The following UNC5D variants were observed in gnomAD, a reference collection of about 807,000 sequenced individuals.
UNC5D encodes the protein netrin receptor UNC5D.
Under a neutral mutation model 105.4 loss-of-function variants are expected in UNC5D, and 39 were observed. That is an observed-to-expected ratio of 0.37 (90% CI 0.29 to 0.48). The LOEUF (loss-of-function observed/expected upper bound fraction) is 0.48, where lower values mean the gene tolerates loss of function less well. UNC5D is among the 20% of genes least tolerant of loss of function. The pLI, the probability that UNC5D is intolerant of heterozygous loss-of-function variation, is 0.98. For synonymous variants in UNC5D, 452 were observed against 450.4 expected (o/e 1.00, Z -0.04); for missense variants, 991 against 1,202.4 (o/e 0.82, Z 2.60).
At chr8:35,535,416 T>TTTG (rs906773476) in intron 1 of UNC5D, among the ~76,000 whole-genome samples, 46 of 151,792 alleles carry the variant, frequency 3.0e-4, no homozygotes, top group Middle Eastern at 3.4e-3. Flanking sequence ...TAATAGGCTT[T>TTTG]TTGTTGTTGT....
intron 1 of UNC5D, among the ~76,000 whole-genome samples, chr8:35,473,173 A>T (rs185543264): frequency 1.8e-3 from 273 of 152,314 alleles, no homozygotes; most frequent in African/African-American, 6.4e-3. Context: ...ACAATGCAGG[A>T]GAAATGAGAG....
intron 1 of UNC5D, among the ~76,000 whole-genome samples, chr8:35,361,729 T>C (rs1315740718): frequency 1.3e-5 from 2 of 152,174 alleles, no homozygotes; most frequent in African/African-American, 2.4e-5. Flanking sequence ...AATTTTCCAG[T>C]CTTGTCCACC....
chr8:35,308,943 G>A (rs1278720889), intron 1 of UNC5D, among the ~76,000 whole-genome samples: 1 of 152,148 alleles, frequency 6.6e-6, no homozygotes, highest in Non-Finnish European at 1.5e-5. Context: ...AGGACATGAA[G>A]CTTGTGTCAA....
chr8:35,716,144 C>T (rs914057474), intron 8 of UNC5D, among the ~76,000 whole-genome samples: 2 of 152,120 alleles, frequency 1.3e-5, no homozygotes, highest in African/African-American at 2.4e-5. Flanking sequence ...GAAGAGACAC[C>T]GTGTCATAAG....
intron 1 of UNC5D, among the ~76,000 whole-genome samples, chr8:35,489,246 G>T (rs919842620): frequency 1.3e-5 from 2 of 152,054 alleles, no homozygotes; most frequent in Admixed American, 1.3e-4. Context: ...GACCTCAGGT[G>T]ATCCACCTGC....
At chr8:35,601,572 G>C (rs1819887189) in intron 4 of UNC5D, among the ~76,000 whole-genome samples, 1 of 152,142 alleles carries the variant, frequency 6.6e-6, no homozygotes, top group African/African-American at 2.4e-5. Context: ...TTGTGAATGG[G>C]AGTTCACTCA....
intron 1 of UNC5D, among the ~76,000 whole-genome samples, chr8:35,394,575 A>C (rs1803985182): frequency 6.6e-6 from 1 of 152,030 alleles, no homozygotes; most frequent in South Asian, 2.1e-4. Context: ...TATGATGAGC[A>C]TTTATTTTCA....
intron 1 of UNC5D, among the ~76,000 whole-genome samples, chr8:35,381,461 A>T (rs1803038501): frequency 6.6e-6 from 1 of 152,190 alleles, no homozygotes; most frequent in Admixed American, 6.5e-5. Flanking sequence ...TCCCTTACTC[A>T]GTGATTCTGC....
chr8:35,290,012 C>T lies in UNC5D; in HGVS notation c.103+54125C>T, dbSNP rs547233022. On this transcript the variant is annotated intron_variant, in intron 1 of 16. Coordinates refer to ENST00000404895, the MANE Select transcript of UNC5D (RefSeq NM_080872.4). The stretch of plus-strand genomic sequence containing the variant: ...TATCACCTCATACCCATTAGAATGT[C>T]TTTATCAAAATGATGAAAGGCAAGT... Among the ~76,000 whole-genome samples the T allele has an allele frequency of 6.2e-4, 95 of 152,110 alleles. 2 individuals carry two copies. The South Asian group carries it at 0.019, about 30-fold the overall frequency.
intron 1 of UNC5D, among the ~76,000 whole-genome samples, chr8:35,412,281 T>G (rs1432467173): frequency 6.6e-6 from 1 of 152,040 alleles, no homozygotes. Context: ...CTGACAGTAA[T>G]GGGGAGAAAA....
Position 35,618,641 on chromosome 8 carries a change from ATG to A in UNC5D, c.570+22987_570+22988del, listed in dbSNP as rs570712453. Among the ~76,000 whole-genome samples, 26 of 152,266 alleles carry A rather than the reference ATG, an allele frequency of 1.7e-4. No individual in the cohort carries two copies. The South Asian group carries it at 5.4e-3, about 32-fold the overall frequency. On this transcript the variant is annotated intron_variant, in intron 4 of 16. Coordinates refer to ENST00000404895, the MANE Select transcript of UNC5D (RefSeq NM_080872.4). The stretch of plus-strand genomic sequence containing the variant: ...CAGGCTTTCTCCTAGGTATTTAACT[ATG>A]TGATTCTGTTGTATTCTTTCAGCTG...
rs116210663 is a variant in UNC5D, at chr8:35,518,424, C to A, written c.104-30868C>A. Among the ~76,000 whole-genome samples, 604 of 152,102 alleles carry A rather than the reference C, an allele frequency of 4.0e-3. 5 individuals are homozygous for A. The highest frequency in any genetic ancestry group is 0.014 in the African/African-American group (569 of 41,510). On this transcript the variant is annotated intron_variant, in intron 1 of 16. Coordinates refer to ENST00000404895, the MANE Select transcript of UNC5D (RefSeq NM_080872.4). The stretch of plus-strand genomic sequence containing the variant: ...TATAAAAATTTATGAAAATAGAACC[C>A]TACAGAATATATCCTTCTGCAACAT...
intron 4 of UNC5D, among the ~76,000 whole-genome samples, chr8:35,632,939 C>T (rs1822131238): frequency 6.6e-6 from 1 of 152,188 alleles, no homozygotes; most frequent in Admixed American, 6.5e-5. Flanking sequence ...ACAACCTGCC[C>T]ACAGGTTATC....
intron 1 of UNC5D, among the ~76,000 whole-genome samples, chr8:35,294,405 G>T: frequency 1.3e-5 from 2 of 151,804 alleles, no homozygotes. Context: ...CTCTTAGTTG[G>T]CAGAAGCTAT....
chr8:35,250,299 T>C (rs1486628377), intron 1 of UNC5D, among the ~76,000 whole-genome samples: 1 of 152,182 alleles, frequency 6.6e-6, no homozygotes, highest in Non-Finnish European at 1.5e-5. Context: ...TGTTTTAAGT[T>C]CCTCAGGTTG....
At chr8:35,331,179 T>C (rs1280813170) in intron 1 of UNC5D, among the ~76,000 whole-genome samples, 1 of 152,142 alleles carries the variant, frequency 6.6e-6, no homozygotes, top group East Asian at 1.9e-4. Context: ...CACGACCCTG[T>C]ATAGATTATT....
chr8:35,405,940 G>T lies in UNC5D; in HGVS notation c.104-143352G>T, dbSNP rs527718929. ...AACTCAAAGATTTAGCTGTATTCTA[G>T]GTTTGCAGACTTAAATGGACTAAAG... is the stretch of plus-strand genomic sequence containing the variant. On this transcript the variant is annotated intron_variant, in intron 1 of 16. Coordinates refer to ENST00000404895, the MANE Select transcript of UNC5D (RefSeq NM_080872.4). Among the ~76,000 whole-genome samples, 307 of 152,152 alleles carry T rather than the reference G, an allele frequency of 2.0e-3. 2 individuals are homozygous for T. Among genetic ancestry groups the T allele is most frequent in the Non-Finnish European group, 2.0e-3 (133 of 67,986 alleles).
chr8:35,362,929 C>A (rs1277156375), intron 1 of UNC5D, among the ~76,000 whole-genome samples: 2 of 152,100 alleles, frequency 1.3e-5, no homozygotes, highest in African/African-American at 4.8e-5. Context: ...AGTTTACCAA[C>A]CCATAAATCC....
rs912318016 is a variant in UNC5D at position 35,722,540 on chromosome 8, C to A, written c.1303+145C>A. 1.1e-5 allele frequency: 12 copies of A among 1,060,070 alleles called. No individual in the cohort carries two copies. The African/African-American group carries it at 1.8e-4, about 16-fold the overall frequency. 65.7% of individuals were successfully genotyped at this position (1,060,070 alleles called of 1,614,324 possible). ...AAATTGTCTTCACACATGAACAGAC[C>A]GGGCTGGGTGAAGTGGTCTGCTTAG... On this transcript the variant is annotated intron_variant, in intron 9 of 16. Transcript: ENST00000404895.
Sources: gnomAD v4.1 joint callset for allele counts (sites outside exome capture counted in the v4.1 genomes callset) on GRCh38, gnomAD v4.1.1 for gene constraint, MANE v1.5 for transcripts, NCBI Gene and HGNC (gene_info 2026-07-23, HGNC 2026-07-21) for gene names.